NTN5: variants seen among roughly 807,000 people sequenced by gnomAD.
NTN5 encodes the protein netrin-5.
A neutral mutation model predicts 38.7 loss-of-function variants in NTN5; 42 were observed. The ratio of observed to expected loss-of-function variants is 1.08; its 90% CI spans 0.85 to 1.40. The LOEUF is 1.40. Ranked by LOEUF, NTN5 falls within the 40% of genes most tolerant of loss-of-function variation. The probability of loss-of-function intolerance (pLI) is 0.00; values close to 1 mark genes in which losing one functional copy is unlikely to be tolerated. For synonymous variants in NTN5, 329 were observed against 303.9 expected, an observed-to-expected ratio of 1.08 and a Z score of -0.86; for missense variants, 658 against 716.5, an observed-to-expected ratio of 0.92 and a Z score of 0.93.
chr19:48,664,768 C>G lies in NTN5; in HGVS notation c.632-1G>C. ...CGGGCGTGCTGGTTGCAGGAGCAGG[C>G]TAGGAGCAAAATGGGGTGGGGGCGC... On this transcript the variant is annotated splice_acceptor_variant, in intron 2 of 6. Transcript: ENST00000270235. LOFTEE classifies it high-confidence loss of function. The G allele has an allele frequency of 6.5e-7, 1 of 1,543,572 alleles. No homozygotes were observed. Among genetic ancestry groups the G allele is most frequent in the Non-Finnish European group, 8.7e-7 (1 of 1,145,328 alleles).
intron 3 of NTN5, 122 bp from the exon 4 acceptor site, chr19:48,664,414 C>G: frequency 7.3e-7 from 1 of 1,369,372 alleles, no homozygotes; most frequent in African/African-American, 1.5e-5. Flanking sequence ...CCCTCAGACC[C>G]AGGAGTCCAG....
At chr19:48,670,255 A>T in intron 2 of NTN5, 101 bp downstream of exon 2, 1 of 1,238,146 alleles carries the variant, frequency 8.1e-7, no homozygotes, top group Non-Finnish European at 1.1e-6. Context: ...GGCAAGGAGC[A>T]CCCAGTTCCA....
intron 1 of NTN5, among the ~76,000 whole-genome samples, chr19:48,671,286 C>T (rs1050732043): frequency 2.0e-5 from 3 of 149,338 alleles, no homozygotes; most frequent in Non-Finnish European, 3.0e-5. Context: ...CCCTGGGGAG[C>T]GGTGAGCGGC....
Position 48,664,628 on chromosome 19 carries a change from C to T in NTN5, c.771G>A (p.Gly257=), listed in dbSNP as rs781149146. The T allele has an allele frequency of 2.5e-6, 4 of 1,613,682 alleles. No homozygotes were observed. In the South Asian group the frequency reaches 4.4e-5, roughly 18 times the overall value. ...AGRHCHYCQP[G]FWRDPSQPIF... ...TAGGCTGGCTAGGGTCCCTCCAGAA[C>T]CCAGGTTGGCAGTAGTGGCAGTGCC... The change falls in exon 3 of 7, where the codon GGG becomes GGA. Residue 257 remains glycine, a synonymous_variant. Transcript: ENST00000270235.
Position 48,671,014 on chromosome 19 carries a change from GA to G in NTN5, c.-20-9del, listed in dbSNP as rs751496305. The G allele has an allele frequency of 9.4e-6, 14 of 1,485,364 alleles. No homozygotes were observed. Among genetic ancestry groups the G allele is most frequent in the Non-Finnish European group, 1.3e-5 (14 of 1,117,608 alleles). 92.0% of individuals were successfully genotyped at this position (1,485,364 alleles called of 1,614,324 possible). ...TCACAGCAGAGCCAGCACCTGGAGG[GA>G]AGAGAGGTGGCTGGGCTGGGGATCT... On this transcript the variant is annotated splice_polypyrimidine_tract_variant and intron_variant, in intron 1 of 6. Coordinates refer to ENST00000270235, the MANE Select transcript of NTN5 (RefSeq NM_145807.4).
chr19:48,669,966 CCACCATCAT>C (rs1431023369), intron 2 of NTN5, among the ~76,000 whole-genome samples: 1 of 13,528 alleles, frequency 7.4e-5, no homozygotes, highest in Non-Finnish European at 1.6e-4. Context: ...ATCACCATCA[CCACCATCAT>C]CACCATCATC....
At position 48,670,759 on chromosome 19, in the gene NTN5, T is replaced by C. The variant is rs1325871271; in HGVS notation, c.228A>G (p.Thr76=). Residue 76 remains threonine, a synonymous_variant, in exon 2 of 7, where the codon ACA becomes ACG. Transcript: ENST00000270235. The stretch of plus-strand genomic sequence containing the variant: ...GGGTACAGAAGCGCAAGCTGACAGA[T>C]GTCAGGAGGAAGGGGCCACCCAGGG... ...TLALGGPFLL[T]SVSLRFCTPG... is the part of the protein sequence containing the mutation. 11 of 1,612,828 alleles carry C rather than the reference T, an allele frequency of 6.8e-6. No homozygotes were observed. The highest frequency in any genetic ancestry group is 1.1e-5 in the South Asian group (1 of 91,074).
At chr19:48,663,581 G>A (rs1321620251) in intron 5 of NTN5, 38 bp from the exon 6 acceptor site, 2 of 1,592,750 alleles carry the variant, frequency 1.3e-6, no homozygotes, top group Non-Finnish European at 1.7e-6. Context: ...GGCTCCTGGG[G>A]CCTAGACCAC....
At chr19:48,671,938 C>T (rs2031973840) in intron 1 of NTN5, among the ~76,000 whole-genome samples, 1 of 150,940 alleles carries the variant, frequency 6.6e-6, no homozygotes, top group Admixed American at 6.7e-5. Context: ...GGCTTGGGAG[C>T]GGGACAGTGG....
chr19:48,669,984 T>TCACCACTACCATCACCATCA (rs2031906438), intron 2 of NTN5, among the ~76,000 whole-genome samples: 1 of 1,198 alleles, frequency 8.3e-4, no homozygotes, highest in East Asian at 0.01. Context: ...ATCACCATCA[T>TCACCACTACCATCACCATCA]CACCACCACC....
chr19:48,668,451 G>A (rs1266373456), intron 2 of NTN5, among the ~76,000 whole-genome samples: 3 of 152,206 alleles, frequency 2.0e-5, no homozygotes, highest in East Asian at 1.9e-4. Flanking sequence ...GGCACCAAAA[G>A]ATTAGGTCAC....
At chr19:48,664,079 T>C (rs1245347339) in intron 4 of NTN5, 64 bp downstream of exon 4, 19 of 1,517,016 alleles carry the variant, frequency 1.3e-5, no homozygotes, top group Non-Finnish European at 1.6e-5. Context: ...AGCTGTGCAC[T>C]GGAGACCTGG....
chr19:48,666,689 T>A (rs956619908), intron 2 of NTN5, among the ~76,000 whole-genome samples: 3 of 130,044 alleles, frequency 2.3e-5, no homozygotes, highest in African/African-American at 8.7e-5. Flanking sequence ...TTTTTTTTTT[T>A]TTTTTTTTTT....
intron 2 of NTN5, among the ~76,000 whole-genome samples, chr19:48,666,950 G>C (rs2031720744): frequency 1.3e-5 from 2 of 151,972 alleles, no homozygotes; most frequent in Admixed American, 6.6e-5. Flanking sequence ...GACACTAAGA[G>C]GTTTGAGAGC....
At chr19:48,671,327 A>G (rs1236860380) in intron 1 of NTN5, among the ~76,000 whole-genome samples, 1 of 151,630 alleles carries the variant, frequency 6.6e-6, no homozygotes, top group African/African-American at 2.4e-5. Flanking sequence ...AGGCCAGCAG[A>G]CGTGGAAACC....
rs776195368 is a variant in NTN5, at chr19:48,671,035, G to A, written c.-20-29C>T. The A allele has an allele frequency of 1.6e-5, 24 of 1,456,024 alleles. No homozygotes were observed. The African/African-American group carries it at 3.3e-4, about 20-fold the overall frequency. The allele number at this position is 1,456,024 out of a possible 1,614,324, so 90.2% of individuals were successfully genotyped here. On this transcript the variant is annotated intron_variant, in intron 1 of 6. Transcript: ENST00000270235. ...GAGGGAAGAGAGGTGGCTGGGCTGG[G>A]GATCTCAGCCGCAGCCTCTACCCCT...
At chr19:48,671,368 G>A (rs1036742563) in intron 1 of NTN5, among the ~76,000 whole-genome samples, 1 of 151,682 alleles carries the variant, frequency 6.6e-6, no homozygotes, top group Non-Finnish European at 1.5e-5. Flanking sequence ...AGCAGGGCTG[G>A]GCAGGAGAGG....
chr19:48,669,724 C>CCATCATCACCAT (rs1568452467), intron 2 of NTN5, among the ~76,000 whole-genome samples: 9 of 132,236 alleles, frequency 6.8e-5, no homozygotes, highest in African/African-American at 2.7e-4. Context: ...ATCACCACCA[C>CCATCATCACCAT]CACCACCATC....
In NTN5 at chr19:48,670,604, C is replaced by A. The variant is rs370767108; in HGVS notation, c.383G>T (p.Gly128Val). The A allele has an allele frequency of 2.5e-6, 4 of 1,592,600 alleles. No homozygotes were observed. In the African/African-American group the frequency reaches 5.4e-5, roughly 21 times the overall value. ...GCTGGCCGCCACAGTGGCCTTAGGA[C>A]CTGGTGTGGAGTGGAAGGTCACCCT... ...PERVTFHSTP[G>V]PKATVAASHL... Residue 128 changes from glycine to valine, a missense_variant, in exon 2 of 7, where the codon GGT becomes GTT. Coordinates refer to ENST00000270235, the MANE Select transcript of NTN5 (RefSeq NM_145807.4).
Sources: allele counts gnomAD v4.1 joint callset (sites outside exome capture counted in the v4.1 genomes callset), GRCh38; gene constraint gnomAD v4.1.1; transcripts MANE v1.5; gene names NCBI Gene and HGNC (gene_info 2026-07-23, HGNC 2026-07-21).